The following FCHO2 variants were observed in gnomAD, a reference collection of about 807,000 sequenced individuals.
FCHO2 encodes FCH and mu domain containing endocytic adaptor 2, also known as F-BAR domain only protein 2.
A neutral mutation model predicts 114.1 loss-of-function variants in FCHO2; 43 were observed. The ratio of observed to expected loss-of-function variants is 0.38; its 90% CI spans 0.30 to 0.49. FCHO2 has a LOEUF of 0.49. Ranked by LOEUF, FCHO2 falls within the 20% of genes least tolerant of loss-of-function variation. The pLI is 0.97. For synonymous variants in FCHO2, 293 were observed against 315.2 expected (o/e 0.93, Z 0.75); for missense variants, 807 against 950.4 (o/e 0.85, Z 1.98).
rs767517136 is a variant in FCHO2 at position 73,052,545 on chromosome 5, C to G, written c.1173+38C>G. 2.7e-6 allele frequency: 4 copies of G among 1,470,912 alleles called. No individual in the cohort carries two copies. In the South Asian group the frequency reaches 4.0e-5, roughly 15 times the overall value. 91.1% of individuals were successfully genotyped at this position (1,470,912 alleles called of 1,614,324 possible). A position where few individuals can be genotyped will look rare whatever the true frequency, so the allele number is the denominator to read the frequency against. On this transcript the variant is annotated intron_variant, in intron 13 of 25. Transcript: ENST00000430046. ...ACGTTTGTACTCTTTATATAAAAGT[C>G]TTTATTTTTCTTACCTACCTGTGTC...
intron 2 of FCHO2, among the ~76,000 whole-genome samples, chr5:72,986,598 A>G (rs1056377951): frequency 3.3e-5 from 5 of 152,092 alleles, no homozygotes; most frequent in Non-Finnish European, 7.3e-5. Context: ...TCAACTTACC[A>G]TGTTTTCTAA....
intron 18 of FCHO2, among the ~76,000 whole-genome samples, chr5:73,064,999 A>T (rs1757998898): frequency 6.6e-6 from 1 of 151,922 alleles, no homozygotes; most frequent in East Asian, 1.9e-4. Flanking sequence ...TTACTGGGCT[A>T]TTCCTTCGTC....
chr5:73,068,865 TGAA>T (rs1742495194), intron 19 of FCHO2, 86 bp downstream of exon 19: 4 of 1,409,064 alleles, frequency 2.8e-6, no homozygotes, highest in Non-Finnish European at 3.8e-6. Flanking sequence ...AATGGGCTAA[TGAA>T]GAATTTAACA....
At chr5:73,040,346 A>G (rs1756746710) in intron 10 of FCHO2, among the ~76,000 whole-genome samples, 1 of 151,982 alleles carries the variant, frequency 6.6e-6, no homozygotes, top group South Asian at 2.1e-4. Flanking sequence ...GTGTTCAAAA[A>G]CTCTCAGATT....
At chr5:72,995,317 C>T (rs372842373) in intron 5 of FCHO2, among the ~76,000 whole-genome samples, 3 of 151,094 alleles carry the variant, frequency 2.0e-5, no homozygotes, top group Non-Finnish European at 4.4e-5. Context: ...GTGCAGTAGC[C>T]GCATCTCAGC....
At chr5:72,990,904 A>T in intron 5 of FCHO2, 40 bp downstream of exon 5, 2 of 1,506,584 alleles carry the variant, frequency 1.3e-6, no homozygotes, top group Non-Finnish European at 1.8e-6. Flanking sequence ...GTTTCAAAGC[A>T]CCTTGACATA....
intron 24 of FCHO2, among the ~76,000 whole-genome samples, chr5:73,085,789 TAAATAAATAAATAAATAAA>T (rs1418523189): frequency 8.9e-5 from 1 of 11,276 alleles, no homozygotes; most frequent in Non-Finnish European, 4.6e-4. Context: ...AATAAATAAA[TAAATAAATAAATAAATAAA>T]TAAATAAATA....
At chr5:73,019,458 C>G (rs1019352678) in intron 8 of FCHO2, among the ~76,000 whole-genome samples, 2 of 152,112 alleles carry the variant, frequency 1.3e-5, no homozygotes, top group African/African-American at 2.4e-5. Flanking sequence ...GGGAGAATTG[C>G]TTGAACCCAG....
At chr5:72,991,059 C>T (rs1265402527) in intron 5 of FCHO2, among the ~76,000 whole-genome samples, 195 bp downstream of exon 5, 2 of 152,080 alleles carry the variant, frequency 1.3e-5, no homozygotes, top group Non-Finnish European at 2.9e-5. Context: ...GGTTAGCGAG[C>T]ACTAAAAAAC....
intron 5 of FCHO2, among the ~76,000 whole-genome samples, chr5:73,003,814 C>T (rs1468748553): frequency 2.0e-5 from 3 of 151,784 alleles, no homozygotes; most frequent in African/African-American, 7.3e-5. Context: ...GAGGCCTAGG[C>T]GTGTGGATCA....
chr5:73,048,193 T>TG (rs1272276496), intron 11 of FCHO2, among the ~76,000 whole-genome samples: 12 of 152,186 alleles, frequency 7.9e-5, no homozygotes, highest in African/African-American at 2.9e-4. Context: ...GTCATGCCTG[T>TG]AATCCCAACA....
intron 5 of FCHO2, among the ~76,000 whole-genome samples, chr5:72,991,527 G>A (rs1753812856): frequency 1.3e-5 from 2 of 152,208 alleles, no homozygotes; most frequent in South Asian, 4.1e-4. Flanking sequence ...TTGCACATAA[G>A]CTTTAAATGT....
At chr5:73,016,198 C>T (rs1311413131) in intron 7 of FCHO2, among the ~76,000 whole-genome samples, 1 of 152,050 alleles carries the variant, frequency 6.6e-6, no homozygotes, top group Non-Finnish European at 1.5e-5. Context: ...CCTGTAATCT[C>T]AGCAGTTTGG....
chr5:73,054,684 T>C, intron 15 of FCHO2, 135 bp downstream of exon 15: 1 of 599,726 alleles, frequency 1.7e-6, no homozygotes, highest in Non-Finnish European at 2.8e-6. Flanking sequence ...AGAAGGATAA[T>C]TATTTTAAAT....
chr5:73,036,381 T>G (rs1756511395), intron 9 of FCHO2, among the ~76,000 whole-genome samples: 1 of 152,106 alleles, frequency 6.6e-6, no homozygotes, highest in South Asian at 2.1e-4. Flanking sequence ...GTTTTTTTCT[T>G]TTTAATTTTT....
At position 73,020,886 on chromosome 5, in the gene FCHO2, A is replaced by G. The variant is rs976237879; in HGVS notation, c.796+3578A>G. ...TTAAGTGTAGCACCTGTATCAGCTC[A>G]CCACGGGAGAGCTTATCATCTTTAT... On this transcript the variant is annotated intron_variant, in intron 8 of 25. Transcript: ENST00000430046. 5.4e-6 allele frequency: 6 copies of G among 1,109,438 alleles called. No homozygotes were observed. The African/African-American group carries it at 9.2e-5, about 17-fold the overall frequency. The allele number at this position is 1,109,438 out of a possible 1,614,324, so 68.7% of individuals were successfully genotyped here.
intron 20 of FCHO2, 135 bp downstream of exon 20, chr5:73,074,988 G>A: frequency 7.5e-6 from 5 of 665,146 alleles, no homozygotes; most frequent in Non-Finnish European, 9.8e-6. Flanking sequence ...TTATTTACCT[G>A]CTTTTTTGCT....
At chr5:73,085,646 G>A (rs967864659) in intron 24 of FCHO2, among the ~76,000 whole-genome samples, 1 of 151,870 alleles carries the variant, frequency 6.6e-6, no homozygotes, top group African/African-American at 2.4e-5. Context: ...GTGGTGGCAC[G>A]TGCCTGTAGT....
intron 16 of FCHO2, among the ~76,000 whole-genome samples, chr5:73,057,183 C>T (rs1036473028): frequency 6.6e-6 from 1 of 151,912 alleles, no homozygotes; most frequent in Non-Finnish European, 1.5e-5. Flanking sequence ...TCCTGAGCCT[C>T]TCAAAGTACT....
Sources: gnomAD v4.1 joint callset for allele counts (sites outside exome capture counted in the v4.1 genomes callset) on GRCh38, gnomAD v4.1.1 for gene constraint, MANE v1.5 for transcripts, NCBI Gene and HGNC (gene_info 2026-07-23, HGNC 2026-07-21) for gene names.